GRM8: variants seen among roughly 807,000 people sequenced by gnomAD.
GRM8 encodes the protein glutamate metabotropic receptor 8, also known as metabotropic glutamate receptor 8.
GRM8 carries 47 observed loss-of-function variants against 87.2 expected under a neutral mutation model. That is an observed-to-expected ratio of 0.54 (90% CI 0.43 to 0.69). The LOEUF is 0.69. GRM8 is among the 30% of genes least tolerant of loss of function. The pLI is 0.00. For missense variants in GRM8, 1,019 were observed against 1,139.2 expected (o/e 0.89, Z 1.52); for synonymous variants, 396 against 404.5 (o/e 0.98, Z 0.25).
chr7:127,167,659 G>A (rs544626096), intron 2 of GRM8, among the ~76,000 whole-genome samples: 2 of 152,090 alleles, frequency 1.3e-5, no homozygotes, highest in East Asian at 1.9e-4. Flanking sequence ...GGGGTACCAC[G>A]AACTGTGCCC....
At chr7:126,745,264 T>C (rs1004042857) in intron 7 of GRM8, among the ~76,000 whole-genome samples, 1 of 151,728 alleles carries the variant, frequency 6.6e-6, no homozygotes, top group Non-Finnish European at 1.5e-5. Context: ...GATTCAATGA[T>C]CTTCATGTCA....
chr7:126,803,807 C>G (rs1563202441), intron 6 of GRM8, among the ~76,000 whole-genome samples: 1 of 152,188 alleles, frequency 6.6e-6, no homozygotes, highest in Non-Finnish European at 1.5e-5. Flanking sequence ...CTCGTTAAAC[C>G]TAACTGTCTT....
chr7:127,036,720 G>A (rs960953545), intron 3 of GRM8, among the ~76,000 whole-genome samples: 7 of 152,080 alleles, frequency 4.6e-5, no homozygotes, highest in South Asian at 4.2e-4. Context: ...TGCTTGTTAC[G>A]CCGCACAGAG....
At chr7:126,606,390 A>G (rs974951363) in intron 8 of GRM8, among the ~76,000 whole-genome samples, 4 of 152,162 alleles carry the variant, frequency 2.6e-5, no homozygotes, top group Admixed American at 6.6e-5. Flanking sequence ...GCTTTGTTGT[A>G]TTACTTCATT....
chr7:127,113,938 C>T (rs1432943268), intron 2 of GRM8, among the ~76,000 whole-genome samples: 3 of 152,086 alleles, frequency 2.0e-5, no homozygotes, highest in East Asian at 3.9e-4. Context: ...CCAACTCTCC[C>T]GACACTGCCC....
chr7:126,594,164 T>C (rs1796944872), intron 8 of GRM8, among the ~76,000 whole-genome samples: 1 of 152,052 alleles, frequency 6.6e-6, no homozygotes, highest in African/African-American at 2.4e-5. Flanking sequence ...GCAGCCATTA[T>C]GGAAAATAAT....
intron 9 of GRM8, among the ~76,000 whole-genome samples, chr7:126,523,800 C>A (rs554044206): frequency 6.7e-4 from 102 of 151,952 alleles, no homozygotes; most frequent in African/African-American, 2.4e-3. Context: ...CCCGGCCAGA[C>A]CCCTCAATTT....
chr7:126,897,459 T>A (rs1215762850), intron 6 of GRM8, among the ~76,000 whole-genome samples: 1 of 151,588 alleles, frequency 6.6e-6, no homozygotes, highest in East Asian at 1.9e-4. Context: ...GAAATAAGTG[T>A]GTGAAAAATG....
chr7:126,956,351 T>A (rs1417119345), intron 3 of GRM8, among the ~76,000 whole-genome samples: 1 of 152,174 alleles, frequency 6.6e-6, no homozygotes, highest in African/African-American at 2.4e-5. Context: ...TGAGCCTCAG[T>A]TTCATTGGAA....
chr7:126,669,030 A>G (rs954503484), intron 7 of GRM8, among the ~76,000 whole-genome samples: 6 of 152,228 alleles, frequency 3.9e-5, no homozygotes, highest in Admixed American at 2.0e-4. Flanking sequence ...ACATGGATGA[A>G]GGTGGAAGCC....
intron 3 of GRM8, among the ~76,000 whole-genome samples, chr7:126,929,505 C>A (rs892999790): frequency 6.6e-6 from 1 of 152,168 alleles, no homozygotes; most frequent in Non-Finnish European, 1.5e-5. Flanking sequence ...GCGACCCCGG[C>A]TCACTGCAAC....
intron 3 of GRM8, among the ~76,000 whole-genome samples, chr7:126,982,103 C>T (rs1481086111): frequency 6.6e-6 from 1 of 152,108 alleles, no homozygotes; most frequent in Non-Finnish European, 1.5e-5. Flanking sequence ...CAGTCTGAGT[C>T]CCAAAGCTGA....
intron 10 of GRM8, among the ~76,000 whole-genome samples, chr7:126,441,754 A>C (rs993130218): frequency 6.6e-6 from 1 of 151,540 alleles, no homozygotes; most frequent in African/African-American, 2.4e-5. Flanking sequence ...ACCAGAGACC[A>C]AGTTCATACA....
chr7:126,787,983 G>T (rs995284747), intron 6 of GRM8, among the ~76,000 whole-genome samples: 10 of 151,936 alleles, frequency 6.6e-5, no homozygotes, highest in African/African-American at 2.4e-4. Context: ...ATGGCTAAAG[G>T]GGAAAATCTC....
At chr7:126,743,418 T>C (rs1815246958) in intron 7 of GRM8, among the ~76,000 whole-genome samples, 1 of 152,124 alleles carries the variant, frequency 6.6e-6, no homozygotes, top group African/African-American at 2.4e-5. Flanking sequence ...TTTCATATCA[T>C]ACCCTATGCT....
chr7:126,454,134 G>C (rs541411823), intron 9 of GRM8, among the ~76,000 whole-genome samples: 1 of 151,792 alleles, frequency 6.6e-6, no homozygotes, highest in East Asian at 2.0e-4. Flanking sequence ...AAAGAAGCAA[G>C]GAAGAGGAAA....
chr7:126,916,562 A>C (rs547664552), intron 3 of GRM8, among the ~76,000 whole-genome samples: 48 of 152,314 alleles, frequency 3.2e-4, no homozygotes, highest in African/African-American at 1.1e-3. Context: ...CTTATAATCT[A>C]TGTGCACTCT....
chr7:127,147,894 C>T (rs548704332), intron 2 of GRM8, among the ~76,000 whole-genome samples: 1 of 152,128 alleles, frequency 6.6e-6, no homozygotes, highest in African/African-American at 2.4e-5. Flanking sequence ...GCACGGTAAG[C>T]TTTGTTGTTT....
chr7:126,819,834 C>T (rs1418676099), intron 6 of GRM8, among the ~76,000 whole-genome samples: 1 of 151,136 alleles, frequency 6.6e-6, no homozygotes, highest in Admixed American at 6.6e-5. Flanking sequence ...AGCATGAATC[C>T]GAAGGCAACC....
Sources: gnomAD v4.1 joint callset for allele counts (sites outside exome capture counted in the v4.1 genomes callset) on GRCh38, gnomAD v4.1.1 for gene constraint, MANE v1.5 for transcripts, NCBI Gene and HGNC (gene_info 2026-07-23, HGNC 2026-07-21) for gene names.